Variants in ABCG2 observed in about 807,000 individuals in gnomAD.
The protein encoded by ABCG2 is ATP binding cassette subfamily G member 2 (JR blood group).
ABCG2 carries 80 observed loss-of-function variants against 73.5 expected under a neutral mutation model. The observed-to-expected ratio is 1.09, with a 90% confidence interval of 0.91 to 1.31. The LOEUF (loss-of-function observed/expected upper bound fraction) is 1.31, where lower values mean the gene tolerates loss of function less well. ABCG2 is among the 50% of genes most tolerant of loss of function. The pLI is 0.00. For missense variants in ABCG2, 796 were observed against 786.2 expected (o/e 1.01, Z -0.15); for synonymous variants, 269 against 282.4 (o/e 0.95, Z 0.48).
chr4:88,118,330 A>G lies in ABCG2; in HGVS notation c.690-70T>C, dbSNP rs3116447. 2.0e-6 allele frequency: 3 copies of G among 1,510,642 alleles called. No individual in the cohort carries two copies. The African/African-American group carries it at 4.1e-5, about 21-fold the overall frequency. The allele number at this position is 1,510,642 out of a possible 1,614,324, so 93.6% of individuals were successfully genotyped here. A position where few individuals can be genotyped will look rare whatever the true frequency, so the allele number is the denominator to read the frequency against. ...CTTGTATTTCTCAGTAAAATACTCT[A>G]TTCTTGCCTTTAGATTGTTTGCTCT... On this transcript the variant is annotated intron_variant, in intron 6 of 15. Transcript: ENST00000237612.
At chr4:88,093,462 C>G (rs1438996232) in intron 15 of ABCG2, among the ~76,000 whole-genome samples, 2 of 146,760 alleles carry the variant, frequency 1.4e-5, no homozygotes, top group Admixed American at 7.0e-5. Flanking sequence ...GGACATCGTG[C>G]CACTGCACTC....
At chr4:88,149,822 T>C (rs1726328549) in intron 1 of ABCG2, among the ~76,000 whole-genome samples, 1 of 151,788 alleles carries the variant, frequency 6.6e-6, no homozygotes, top group African/African-American at 2.4e-5. Flanking sequence ...TTGCACTCCA[T>C]TCTGGGCAAC....
intron 7 of ABCG2, among the ~76,000 whole-genome samples, 198 bp from the exon 8 acceptor site, chr4:88,115,256 C>CTCTCTCTCTCTCTCTCTCTCTATCTCTA (rs1309360818): frequency 1.4e-5 from 1 of 69,872 alleles, no homozygotes; most frequent in African/African-American, 5.6e-5. Flanking sequence ...CTCTCTCTCT[C>CTCTCTCTCTCTCTCTCTCTCTATCTCTA]TATATATATA....
In ABCG2 at chr4:88,139,812, C is replaced by A; in HGVS notation, c.184G>T (p.Glu62Ter). ...ACATACTTGATATTCGATAATATTTCTTTCTCAACTGGTTTTCGACAAGGT... is the reference window on the plus strand; with the variant it reads ...ACATACTTGATATTCGATAATATTTATTTCTCAACTGGTTTTCGACAAGGT... Reference protein sequence around the residue: ...FLPCRKPVEKEILSNINGIMK... With the variant: ...FLPCRKPVEK The change falls in exon 2 of 16, where the codon GAA becomes TAA. Residue 62 changes from glutamate (E) to a stop codon, truncating the protein, a stop_gained. Transcript: ENST00000237612. LOFTEE classifies it high-confidence loss of function. 1 of 1,613,918 alleles carries A rather than the reference C, an allele frequency of 6.2e-7. No individual in the cohort carries two copies. Among genetic ancestry groups the A allele is most frequent in the Non-Finnish European group, 8.5e-7 (1 of 1,179,926 alleles).
In ABCG2 at chr4:88,118,206, G is replaced by A; in HGVS notation, c.744C>T (p.Ser248=). The part of the protein sequence containing the change: ...IIFSIHQPRY[S]IFKLFDSLTL... ...TGAGGCTATCAAACAACTTGAAGAT[G>A]GAATATCGAGGCTGATGAATGGAGA... Residue 248 remains serine (S), a synonymous_variant, in exon 7 of 16, where the codon TCC becomes TCT. Transcript: ENST00000237612. 6.2e-7 allele frequency: 1 copy of A among 1,614,118 alleles called. No individual in the cohort carries two copies. The highest frequency in any genetic ancestry group is 8.5e-7 in the Non-Finnish European group (1 of 1,179,990).
chr4:88,218,614 G>A (rs533905071), intron 1 of ABCG2, among the ~76,000 whole-genome samples: 1 of 152,170 alleles, frequency 6.6e-6, no homozygotes, highest in East Asian at 1.9e-4. Context: ...CCTTTCCCCT[G>A]AGTCCCCAAA....
At chr4:88,098,038 G>A (rs373378928) in intron 12 of ABCG2, among the ~76,000 whole-genome samples, 13 of 152,310 alleles carry the variant, frequency 8.5e-5, no homozygotes, top group Admixed American at 4.6e-4. Context: ...ATCTGGGGGA[G>A]GGGGAGGGGG....
At chr4:88,151,035 C>T (rs1726441586) in intron 1 of ABCG2, among the ~76,000 whole-genome samples, 1 of 152,168 alleles carries the variant, frequency 6.6e-6, no homozygotes, top group Admixed American at 6.5e-5. Flanking sequence ...TTCAGGCCCA[C>T]AGGAAGTGAA....
intron 1 of ABCG2, among the ~76,000 whole-genome samples, chr4:88,211,366 C>CA (rs1280200185): frequency 1.6e-5 from 2 of 125,262 alleles, no homozygotes; most frequent in Non-Finnish European, 3.6e-5. Flanking sequence ...CTGCCCCACC[C>CA]CCCCCCACTT....
chr4:88,222,447 G>A (rs1412941407), intron 1 of ABCG2, among the ~76,000 whole-genome samples: 2 of 152,092 alleles, frequency 1.3e-5, no homozygotes, highest in African/African-American at 2.4e-5. Flanking sequence ...TAGTGAATGA[G>A]TCTCATGAGA....
chr4:88,100,209 C>A (rs2622615), intron 11 of ABCG2, among the ~76,000 whole-genome samples: 3 of 149,886 alleles, frequency 2.0e-5, no homozygotes, highest in Admixed American at 6.6e-5. Context: ...AAAAAAAAAA[C>A]AGCCAGGCGC....
rs770618556 is a variant in ABCG2, at chr4:88,107,251, C to T, written c.1210G>A (p.Val404Ile). Residue 404 changes from valine (V) to isoleucine (I), a missense_variant, in exon 10 of 16, where the codon GTA (valine) becomes ATA (isoleucine). Val to Ile is a conservative substitution (Grantham distance 29, BLOSUM62 3). Coordinates refer to ENST00000237612, the MANE Select transcript of ABCG2 (RefSeq NM_004827.3). The part of the protein sequence containing the change: ...ASIAQIIVTV[V>I]LGLVIGAIYF... ...ATGGCACCTATAACCAGTCCCAGTA[C>T]GACTGTGACAATGATCTTTTCAAAA... is the stretch of plus-strand genomic sequence containing the variant. 4.4e-5 allele frequency: 71 copies of T among 1,605,506 alleles called. No homozygotes were observed. Among genetic ancestry groups the T allele is most frequent in the East Asian group, 1.6e-4 (7 of 44,744 alleles).
Position 88,216,459 on chromosome 4 carries a change from T to G in ABCG2, c.-20+14535A>C, listed in dbSNP as rs114275274. ...AAGCCTCTTTCTCCAGGTATCCCAG[T>G]GCTTGTTCAGTGGCTCCGTGTGCAA... On this transcript the variant is annotated intron_variant, in intron 1 of 15. Coordinates refer to the ABCG2 transcript ENST00000515655. 2.0e-3 allele frequency among the ~76,000 whole-genome samples: 304 copies of G among 152,342 alleles called. 3 individuals are homozygous for G. The highest frequency in any genetic ancestry group is 6.9e-3 in the African/African-American group (286 of 41,578).
intron 7 of ABCG2, 152 bp downstream of exon 7, chr4:88,117,957 T>G: frequency 1.4e-6 from 1 of 708,246 alleles, no homozygotes; most frequent in Non-Finnish European, 2.2e-6. Context: ...TGAAGAAAAA[T>G]ACTAGCACCA....
intron 6 of ABCG2, among the ~76,000 whole-genome samples, chr4:88,118,721 G>A (rs1308302680): frequency 6.6e-6 from 1 of 152,080 alleles, no homozygotes; most frequent in African/African-American, 2.4e-5. Context: ...TCACTCTTCT[G>A]CCCTAATAAT....
chr4:88,096,183 T>C (rs1483450801), intron 13 of ABCG2, among the ~76,000 whole-genome samples: 1 of 152,198 alleles, frequency 6.6e-6, no homozygotes, highest in Non-Finnish European at 1.5e-5. Context: ...AGGTAGAGCA[T>C]AAGCAGGATC....
At chr4:88,205,565 G>A (rs916478030) in intron 1 of ABCG2, among the ~76,000 whole-genome samples, 1 of 152,078 alleles carries the variant, frequency 6.6e-6, no homozygotes, top group Non-Finnish European at 1.5e-5. Context: ...CTTATCCTTT[G>A]CATGTGGTCA....
intron 1 of ABCG2, among the ~76,000 whole-genome samples, chr4:88,170,740 C>G (rs1287283438): frequency 6.6e-6 from 1 of 152,234 alleles, no homozygotes; most frequent in Non-Finnish European, 1.5e-5. Context: ...TTTATCATAC[C>G]TCACTCTTGT....
chr4:88,109,347 A>G (rs1196598614), intron 9 of ABCG2, among the ~76,000 whole-genome samples: 1 of 152,126 alleles, frequency 6.6e-6, no homozygotes. Flanking sequence ...TTTTCATTCA[A>G]ACTTGTTATC....
Sources: allele counts gnomAD v4.1 joint callset (sites outside exome capture counted in the v4.1 genomes callset), GRCh38; gene constraint gnomAD v4.1.1; transcripts MANE v1.5; gene names NCBI Gene and HGNC (gene_info 2026-07-23, HGNC 2026-07-21).